Variants in DZIP3 observed in about 807,000 individuals in gnomAD.
DZIP3 encodes E3 ubiquitin-protein ligase DZIP3.
A neutral mutation model predicts 162.0 loss-of-function variants in DZIP3; 118 were observed. That is an observed-to-expected ratio of 0.73 (90% CI 0.63 to 0.85). The LOEUF (loss-of-function observed/expected upper bound fraction) is 0.85, where lower values mean the gene tolerates loss of function less well. Ranked by LOEUF, DZIP3 falls within the 40% of genes least tolerant of loss-of-function variation. The pLI is 0.00. For synonymous variants in DZIP3, 438 were observed against 458.6 expected, an observed-to-expected ratio of 0.96 and a Z score of 0.57; for missense variants, 1,331 against 1,407.0, an observed-to-expected ratio of 0.95 and a Z score of 0.86.
chr3:108,605,381 AT>A lies in DZIP3; in HGVS notation c.-21del, dbSNP rs933771774. 6.2e-6 allele frequency: 10 copies of A among 1,613,188 alleles called. No homozygotes were observed. In the Admixed American group the frequency reaches 1.0e-4, roughly 16 times the overall value. ...GTCAGTTGGCAAGCAGTGGAATAAG[AT>A]TTTTGTAAAGAAACCTTGTGCAGCA... On this transcript the variant is annotated 5_prime_UTR_variant, in exon 2 of 33. Transcript: ENST00000361582.
intron 5 of DZIP3, among the ~76,000 whole-genome samples, chr3:108,618,825 G>A (rs1028560026): frequency 6.6e-6 from 1 of 151,986 alleles, no homozygotes; most frequent in Admixed American, 6.5e-5. Flanking sequence ...CACTTTGGGA[G>A]GCCGAGGCGG....
intron 32 of DZIP3, among the ~76,000 whole-genome samples, chr3:108,693,017 CAT>C (rs1054628127): frequency 5.0e-4 from 76 of 151,142 alleles, no homozygotes; most frequent in African/African-American, 1.8e-3. Flanking sequence ...GTGTGCCTGT[CAT>C]GTGAGGGACT....
chr3:108,593,318 A>G (rs1409679246), intron 1 of DZIP3, among the ~76,000 whole-genome samples: 2 of 152,306 alleles, frequency 1.3e-5, no homozygotes, highest in South Asian at 2.1e-4. Flanking sequence ...TGAAAAAACT[A>G]AGATAGGAAG....
intron 3 of DZIP3, 42 bp downstream of exon 3, chr3:108,608,200 TA>T: frequency 7.2e-7 from 1 of 1,382,086 alleles, no homozygotes; most frequent in Non-Finnish European, 9.9e-7. Flanking sequence ...AGTTAATTGA[TA>T]ATTAATTATA....
At chr3:108,645,877 TA>T (rs1942601043) in intron 14 of DZIP3, among the ~76,000 whole-genome samples, 1 of 152,158 alleles carries the variant, frequency 6.6e-6, no homozygotes, top group African/African-American at 2.4e-5. Context: ...ATTAGGGTTT[TA>T]AAAAATACAT....
chr3:108,672,588 C>T lies in DZIP3; in HGVS notation c.2521C>T (p.Leu841=). 1 of 1,611,690 alleles carries T rather than the reference C, an allele frequency of 6.2e-7. No individual in the cohort carries two copies. The highest frequency in any genetic ancestry group is 8.5e-7 in the Non-Finnish European group (1 of 1,178,496). ...RSQWEMEKHN[L]ESTMKTYVSK... ...TCAGTGGGAAATGGAAAAACATAAT[C>T]TGGAAAGCACAATGAAAACATACGT... Residue 841 remains leucine (L), a synonymous_variant, in exon 23 of 33, where the codon CTG becomes TTG. Transcript: ENST00000361582.
chr3:108,608,236 G>A, intron 3 of DZIP3, 78 bp downstream of exon 3: 2 of 1,192,142 alleles, frequency 1.7e-6, no homozygotes, highest in East Asian at 2.4e-5. Context: ...AATACATCTA[G>A]TCAGTTTAAT....
Position 108,644,199 on chromosome 3 carries a change from T to G in DZIP3, c.1177T>G (p.Phe393Val). The change falls in exon 14 of 33, where the codon TTC (phenylalanine) becomes GTC (valine). Residue 393 changes from phenylalanine (F) to valine (V), a missense_variant. Physicochemically the swap from Phe to Val is conservative, Grantham distance 50. Transcript: ENST00000361582. ...MPIFKLDYNYFYHLLHIIIIS... is the reference protein window; with the variant it reads ...MPIFKLDYNYVYHLLHIIIIS... ...TATCTTCAAGCTTGATTATAATTAT[T>G]TCTATCATCTGCTTCATATAATTAT... The G allele has an allele frequency of 6.2e-7, 1 of 1,605,224 alleles. No individual in the cohort carries two copies. Among genetic ancestry groups the G allele is most frequent in the Non-Finnish European group, 8.5e-7 (1 of 1,176,846 alleles).
In DZIP3 at chr3:108,672,611, C is replaced by A. The variant is rs373711969; in HGVS notation, c.2544C>A (p.Tyr848Ter). The A allele has an allele frequency of 1.2e-6, 2 of 1,611,760 alleles. No individual in the cohort carries two copies. The highest frequency in any genetic ancestry group is 1.7e-6 in the Non-Finnish European group (2 of 1,178,612). The change falls in exon 23 of 33, where the codon TAC (tyrosine) becomes TAA (stop). Residue 848 changes from tyrosine (Y) to a stop codon, truncating the protein, a stop_gained. Coordinates refer to ENST00000361582, the MANE Select transcript of DZIP3 (RefSeq NM_014648.4). LOFTEE classifies it high-confidence loss of function. ...KHNLESTMKT[Y>*]VSKLNAETSR... ...ATCTGGAAAGCACAATGAAAACATA[C>A]GTAAGCAAACTGAACGCAGAAACTA... is the stretch of plus-strand genomic sequence containing the variant.
chr3:108,645,635 A>G (rs1247349862), intron 14 of DZIP3, among the ~76,000 whole-genome samples: 1 of 152,196 alleles, frequency 6.6e-6, no homozygotes, highest in Non-Finnish European at 1.5e-5. Flanking sequence ...CAAGTTATTT[A>G]CAGCCTAATG....
intron 26 of DZIP3, among the ~76,000 whole-genome samples, chr3:108,683,687 TTCC>T (rs1944400473): frequency 6.6e-6 from 1 of 152,172 alleles, no homozygotes; most frequent in Non-Finnish European, 1.5e-5. Context: ...CCCATCCCAC[TTCC>T]TCCTCCAGCT....
chr3:108,687,897 A>G (rs1001393513), intron 28 of DZIP3, 79 bp from the exon 29 acceptor site: 5 of 1,571,442 alleles, frequency 3.2e-6, no homozygotes, highest in Non-Finnish European at 8.7e-7. Flanking sequence ...ATAGGATTTT[A>G]TATCTCCTTT....
intron 1 of DZIP3, among the ~76,000 whole-genome samples, chr3:108,600,226 C>T (rs1233621108): frequency 1.3e-5 from 2 of 152,128 alleles, no homozygotes; most frequent in African/African-American, 4.8e-5. Context: ...GACCCATGAT[C>T]TTCTGGAGTA....
chr3:108,647,342 A>G (rs1942671344), intron 15 of DZIP3, among the ~76,000 whole-genome samples: 1 of 151,824 alleles, frequency 6.6e-6, no homozygotes, highest in South Asian at 2.1e-4. Flanking sequence ...TTTAAGTGTA[A>G]TTAATATTAT....
intron 12 of DZIP3, among the ~76,000 whole-genome samples, chr3:108,641,263 A>G (rs1305904607): frequency 6.6e-6 from 1 of 152,070 alleles, no homozygotes; most frequent in Non-Finnish European, 1.5e-5. Flanking sequence ...AAATTACATA[A>G]TATATTGTTA....
At chr3:108,666,771 A>G (rs1283349843) in intron 21 of DZIP3, among the ~76,000 whole-genome samples, 2 of 152,184 alleles carry the variant, frequency 1.3e-5, no homozygotes, top group Non-Finnish European at 1.5e-5. Context: ...CCTGGAAACT[A>G]TGCAACCCAT....
intron 17 of DZIP3, 122 bp downstream of exon 17, chr3:108,649,084 T>C (rs969800758): frequency 1.9e-6 from 1 of 524,818 alleles, no homozygotes; most frequent in Non-Finnish European, 2.9e-6. Context: ...AATAGCTTAC[T>C]GAGTATATGA....
intron 4 of DZIP3, among the ~76,000 whole-genome samples, chr3:108,615,364 A>C (rs571872689): frequency 4.9e-4 from 75 of 152,288 alleles, no homozygotes; most frequent in Non-Finnish European, 9.1e-4. Flanking sequence ...AATTCAAGAG[A>C]TATTGTTTGA....
Position 108,622,880 on chromosome 3 carries a change from C to CTCTCTCTCTCTCTCTCTG in DZIP3, c.376-1563_376-1562insCTCTCTCTCTCTCTCTGT, listed in dbSNP as rs796232998. 2.9e-3 allele frequency among the ~76,000 whole-genome samples: 155 copies of CTCTCTCTCTCTCTCTCTG among 53,054 alleles called. 3 individuals are homozygous for CTCTCTCTCTCTCTCTCTG. Among genetic ancestry groups the CTCTCTCTCTCTCTCTCTG allele is most frequent in the East Asian group, 0.023 (45 of 1,968 alleles). The allele number at this position is 53,054 out of a possible 152,430, so 34.8% of individuals were successfully genotyped here. A position where few individuals can be genotyped will look rare whatever the true frequency, so the allele number is the denominator to read the frequency against. ...TCTCTCTCTCTCTCTCTCTCTCTCT[C>CTCTCTCTCTCTCTCTCTG]TGTGTGTGTGTGTGTGTATGGAGCT... On this transcript the variant is annotated intron_variant, in intron 5 of 32. Transcript: ENST00000361582.
Sources: gnomAD v4.1 joint callset for allele counts (sites outside exome capture counted in the v4.1 genomes callset) on GRCh38, gnomAD v4.1.1 for gene constraint, MANE v1.5 for transcripts, NCBI Gene and HGNC (gene_info 2026-07-23, HGNC 2026-07-21) for gene names.